The following CLSTN2 variants were observed in gnomAD, a reference collection of about 807,000 sequenced individuals.
The protein encoded by CLSTN2 is calsyntenin-2.
CLSTN2 carries 48 observed loss-of-function variants against 101.2 expected under a neutral mutation model. The observed-to-expected ratio is 0.47, with a 90% CI of 0.38 to 0.60. The LOEUF (loss-of-function observed/expected upper bound fraction) is 0.60, where lower values mean the gene tolerates loss of function less well. Among genes scored for constraint, CLSTN2 ranks in the 20% least tolerant of loss-of-function variants. The probability of loss-of-function intolerance (pLI) is 0.00; values close to 1 mark genes in which losing one functional copy is unlikely to be tolerated. For synonymous variants in CLSTN2, 481 were observed against 463.6 expected (o/e 1.04, Z -0.48); for missense variants, 1,160 against 1,238.2 (o/e 0.94, Z 0.95).
chr3:140,078,509 T>C (rs1218313165), intron 1 of CLSTN2, among the ~76,000 whole-genome samples: 1 of 152,184 alleles, frequency 6.6e-6, no homozygotes, highest in Non-Finnish European at 1.5e-5. Context: ...GGGAGCTCCA[T>C]GTAATGAGTG....
intron 1 of CLSTN2, among the ~76,000 whole-genome samples, chr3:140,163,418 C>CCACACA (rs757576419): frequency 1.5e-3 from 190 of 130,440 alleles, no homozygotes; most frequent in African/African-American, 7.8e-3. Flanking sequence ...TTTTCTATCT[C>CCACACA]TACACACACA....
chr3:140,241,041 T>C (rs575044765), intron 2 of CLSTN2, among the ~76,000 whole-genome samples: 1 of 152,272 alleles, frequency 6.6e-6, no homozygotes, highest in African/African-American at 2.4e-5. Context: ...AAAATGATAA[T>C]GCATGAAGTC....
intron 2 of CLSTN2, among the ~76,000 whole-genome samples, chr3:140,258,645 C>A (rs1306170075): frequency 6.6e-6 from 1 of 152,156 alleles, no homozygotes; most frequent in Non-Finnish European, 1.5e-5. Context: ...CTATAACTTC[C>A]TTCTTATTAA....
intron 8 of CLSTN2, among the ~76,000 whole-genome samples, chr3:140,509,052 T>C (rs1368071129): frequency 6.6e-6 from 1 of 152,056 alleles, no homozygotes; most frequent in African/African-American, 2.4e-5. Flanking sequence ...AGACTGGCAT[T>C]TGCTGGAAAG....
intron 8 of CLSTN2, among the ~76,000 whole-genome samples, chr3:140,467,130 T>G (rs1042959244): frequency 6.6e-6 from 1 of 152,158 alleles, no homozygotes; most frequent in African/African-American, 2.4e-5. Flanking sequence ...GACACAAGGT[T>G]GAGGACAGGG....
intron 2 of CLSTN2, among the ~76,000 whole-genome samples, chr3:140,230,434 T>G (rs1347324771): frequency 6.6e-6 from 1 of 152,238 alleles, no homozygotes; most frequent in Non-Finnish European, 1.5e-5. Context: ...AATATTTGTT[T>G]TTCCAAAATT....
chr3:140,245,103 G>A (rs1415954663), intron 2 of CLSTN2, among the ~76,000 whole-genome samples: 1 of 152,116 alleles, frequency 6.6e-6, no homozygotes, highest in Non-Finnish European at 1.5e-5. Context: ...TAGTTATTCT[G>A]GTATGTGTGG....
chr3:140,135,424 G>C (rs2009601383), intron 1 of CLSTN2, among the ~76,000 whole-genome samples: 1 of 151,912 alleles, frequency 6.6e-6, no homozygotes, highest in Admixed American at 6.6e-5. Context: ...GTAGAATCTT[G>C]AGCTAAATGG....
At chr3:140,165,915 T>TC (rs1236740365) in intron 1 of CLSTN2, among the ~76,000 whole-genome samples, 1 of 152,208 alleles carries the variant, frequency 6.6e-6, no homozygotes, top group African/African-American at 2.4e-5. Flanking sequence ...CTTGGCAGCC[T>TC]CACACACCCC....
chr3:140,240,134 T>TTC (rs1370229338), intron 2 of CLSTN2, among the ~76,000 whole-genome samples: 208 of 20,462 alleles, frequency 0.01, 57 homozygotes, highest in East Asian at 0.04. Flanking sequence ...TGCACCTGGT[T>TTC]TCTCTCTCTC....
chr3:140,500,308 A>T (rs1457685008), intron 8 of CLSTN2, among the ~76,000 whole-genome samples: 1 of 152,194 alleles, frequency 6.6e-6, no homozygotes, highest in Non-Finnish European at 1.5e-5. Flanking sequence ...AAAGATCCAG[A>T]AAATATCTGG....
chr3:140,403,886 A>G, intron 3 of CLSTN2, 62 bp downstream of exon 3: 1 of 1,312,476 alleles, frequency 7.6e-7, no homozygotes, highest in South Asian at 1.3e-5. Context: ...CACTTCATTC[A>G]CATGCTGCTC....
At chr3:140,465,789 T>C (rs998648732) in intron 7 of CLSTN2, among the ~76,000 whole-genome samples, 37 of 152,298 alleles carry the variant, frequency 2.4e-4, no homozygotes, top group African/African-American at 8.2e-4. Context: ...TCTATCTGAA[T>C]CCAGGGCCCA....
At chr3:140,052,445 C>T (rs1057199180) in intron 1 of CLSTN2, among the ~76,000 whole-genome samples, 1 of 152,162 alleles carries the variant, frequency 6.6e-6, no homozygotes, top group Non-Finnish European at 1.5e-5. Context: ...CATAAGCCAC[C>T]GCACCTGGCC....
At chr3:140,537,654 C>T (rs766114772) in intron 9 of CLSTN2, among the ~76,000 whole-genome samples, 4 of 152,184 alleles carry the variant, frequency 2.6e-5, no homozygotes, top group Admixed American at 2.0e-4. Flanking sequence ...TGGCTTTAGA[C>T]AAATACCAGG....
At chr3:139,985,259 T>C (rs1297860524) in intron 1 of CLSTN2, among the ~76,000 whole-genome samples, 1 of 152,214 alleles carries the variant, frequency 6.6e-6, no homozygotes, top group Non-Finnish European at 1.5e-5. Context: ...TCAGCCATGA[T>C]GTGCAAGTCT....
chr3:140,003,231 T>A (rs886719662), intron 1 of CLSTN2, among the ~76,000 whole-genome samples: 4 of 152,132 alleles, frequency 2.6e-5, no homozygotes, highest in Non-Finnish European at 4.4e-5. Context: ...CTTCTTCAAT[T>A]TCTGTGTTTT....
chr3:140,088,913 G>A (rs2008722447), intron 1 of CLSTN2, among the ~76,000 whole-genome samples: 1 of 152,062 alleles, frequency 6.6e-6, no homozygotes, highest in Non-Finnish European at 1.5e-5. Flanking sequence ...ACTGGATAAA[G>A]TAAATAAATA....
In CLSTN2 at chr3:140,340,622, C is replaced by A. The variant is rs192789754; in HGVS notation, c.233-63007C>A. ...TATCATAAACCCTACTCCCAGTGTA[C>A]CCTATTATTAACATCTTATACTGAT... is the stretch of plus-strand genomic sequence containing the variant. On this transcript the variant is annotated intron_variant, in intron 2 of 16. Transcript: ENST00000458420. Among the ~76,000 whole-genome samples, 298 of 152,236 alleles carry A rather than the reference C, an allele frequency of 2.0e-3. 1 individual carries two copies. The highest frequency in any genetic ancestry group is 0.014 in the Middle Eastern group (4 of 294).
Sources: allele counts gnomAD v4.1 joint callset (sites outside exome capture counted in the v4.1 genomes callset), GRCh38; gene constraint gnomAD v4.1.1; transcripts MANE v1.5; gene names NCBI Gene and HGNC (gene_info 2026-07-23, HGNC 2026-07-21).